Variants in DACH2 observed in about 807,000 individuals in gnomAD.
The protein encoded by DACH2 is dachshund family transcription factor 2.
In DACH2, 17 loss-of-function variants were observed where a neutral mutation model predicts 35.8. That is an observed-to-expected ratio of 0.48 (90% CI 0.33 to 0.71). The LOEUF is 0.71. Ranked by LOEUF, DACH2 falls within the 30% of genes least tolerant of loss-of-function variation. The probability of loss-of-function intolerance (pLI) is 0.02; values close to 1 mark genes in which losing one functional copy is unlikely to be tolerated. For synonymous variants in DACH2, 195 were observed against 177.3 expected (o/e 1.10, Z -0.79); for missense variants, 469 against 472.7 (o/e 0.99, Z 0.07).
chrX:86,365,191 C>T (rs1191380499), intron 1 of DACH2, among the ~76,000 whole-genome samples: 1 of 84,979 alleles, frequency 1.2e-5, no homozygotes, highest in African/African-American at 4.2e-5. Context: ...TATTTGGAGA[C>T]ATATTGGTGG....
chrX:86,312,096 G>A (rs1443221884), intron 1 of DACH2, among the ~76,000 whole-genome samples: 2 of 111,921 alleles, frequency 1.8e-5, no homozygotes, highest in Non-Finnish European at 3.8e-5. Context: ...GTAGAAGAAG[G>A]TAGTCATCGT....
At chrX:86,577,012 T>A (rs2039443761) in intron 3 of DACH2, among the ~76,000 whole-genome samples, 1 of 111,880 alleles carries the variant, frequency 8.9e-6, no homozygotes, top group South Asian at 3.7e-4. Flanking sequence ...CTACTTTTCT[T>A]TATTAATTAC....
intron 3 of DACH2, among the ~76,000 whole-genome samples, chrX:86,649,051 C>G (rs758029185): frequency 1.8e-5 from 2 of 110,294 alleles, no homozygotes; most frequent in Non-Finnish European, 3.8e-5. Flanking sequence ...ACCTAAATAA[C>G]TGACCTATAA....
At chrX:86,659,001 G>T (rs1330393191) in intron 4 of DACH2, among the ~76,000 whole-genome samples, 5 of 111,229 alleles carry the variant, frequency 4.5e-5, no homozygotes, top group Admixed American at 9.6e-5. Flanking sequence ...ATAGCTTATA[G>T]TGGAGAGAAT....
chrX:86,390,967 C>A (rs1427163270), intron 2 of DACH2, among the ~76,000 whole-genome samples: 1 of 109,960 alleles, frequency 9.1e-6, no homozygotes, highest in East Asian at 2.9e-4. Context: ...AAATAAAATT[C>A]TTTAATATTT....
At chrX:86,411,731 A>T (rs1049022387) in intron 2 of DACH2, among the ~76,000 whole-genome samples, 2 of 111,747 alleles carry the variant, frequency 1.8e-5, no homozygotes, top group Non-Finnish European at 3.8e-5. Flanking sequence ...ATAAGGAGGG[A>T]ATACTCACGA....
At chrX:86,257,814 G>A (rs1461594579) in intron 1 of DACH2, among the ~76,000 whole-genome samples, 1 of 111,835 alleles carries the variant, frequency 8.9e-6, no homozygotes, top group Non-Finnish European at 1.9e-5. Context: ...TTGTCATTAT[G>A]GTTTTATTTT....
At chrX:86,723,330 G>T (rs1196866299) in intron 6 of DACH2, among the ~76,000 whole-genome samples, 1 of 49,441 alleles carries the variant, frequency 2.0e-5, no homozygotes, top group African/African-American at 9.4e-5. Context: ...TATTCCTTCT[G>T]CTAATTTTTT....
chrX:86,699,223 C>A (rs1298961028), intron 5 of DACH2, among the ~76,000 whole-genome samples: 1 of 112,060 alleles, frequency 8.9e-6, no homozygotes, highest in African/African-American at 3.2e-5. Flanking sequence ...AAAGTATTTA[C>A]AGAACATTTT....
chrX:86,267,869 C>A (rs1284366695), intron 1 of DACH2, among the ~76,000 whole-genome samples: 1 of 112,022 alleles, frequency 8.9e-6, no homozygotes, highest in Non-Finnish European at 1.9e-5. Context: ...TCTCACTATA[C>A]ATTGGCTGCA....
At chrX:86,630,872 C>A (rs987789484) in intron 3 of DACH2, among the ~76,000 whole-genome samples, 2 of 111,126 alleles carry the variant, frequency 1.8e-5, no homozygotes, top group African/African-American at 6.6e-5. Flanking sequence ...AGAAAGGTAA[C>A]TGCAAATTCA....
intron 7 of DACH2, among the ~76,000 whole-genome samples, chrX:86,753,938 T>TAAA (rs202047286): frequency 1.1e-4 from 10 of 94,186 alleles, no homozygotes; most frequent in African/African-American, 2.7e-4. Flanking sequence ...GAGCTCACAA[T>TAAA]AAAAAAAAAA....
intron 3 of DACH2, among the ~76,000 whole-genome samples, chrX:86,640,028 T>C (rs939155567): frequency 4.5e-5 from 5 of 111,258 alleles, no homozygotes; most frequent in Non-Finnish European, 9.4e-5. Flanking sequence ...CATCCTTCAC[T>C]GATGACACCT....
intron 2 of DACH2, among the ~76,000 whole-genome samples, chrX:86,382,076 A>G (rs763688985): frequency 1.8e-5 from 2 of 110,953 alleles, no homozygotes; most frequent in Admixed American, 1.9e-4. Flanking sequence ...TTATGGTGCT[A>G]CACGTAACTA....
intron 2 of DACH2, among the ~76,000 whole-genome samples, chrX:86,483,939 CTT>C (rs1162885356): frequency 8.9e-6 from 1 of 111,752 alleles, no homozygotes; most frequent in Non-Finnish European, 1.9e-5. Flanking sequence ...TTTCACCACT[CTT>C]TCTCTATTTT....
At chrX:86,549,876 AATT>A (rs72104281) in intron 3 of DACH2, among the ~76,000 whole-genome samples, 20,703 of 110,725 alleles carry the variant, frequency 0.19, 1,531 homozygotes, top group East Asian at 0.27. Flanking sequence ...ATTAACTAAA[AATT>A]ATTATTAGTC....
intron 4 of DACH2, among the ~76,000 whole-genome samples, chrX:86,690,074 G>C (rs1378686960): frequency 8.9e-6 from 1 of 111,836 alleles, no homozygotes; most frequent in African/African-American, 3.2e-5. Context: ...GAGGAAGACT[G>C]TTTACTAAAT....
intron 4 of DACH2, among the ~76,000 whole-genome samples, chrX:86,684,177 T>A (rs1175213085): frequency 1.8e-5 from 2 of 111,901 alleles, no homozygotes; most frequent in Non-Finnish European, 3.8e-5. Flanking sequence ...AAGATCATAA[T>A]GCTTTCATAT....
intron 2 of DACH2, among the ~76,000 whole-genome samples, chrX:86,503,659 G>A (rs2038282794): frequency 8.9e-6 from 1 of 111,849 alleles, no homozygotes; most frequent in Admixed American, 9.5e-5. Context: ...GTACTCATAA[G>A]GGAATGTAAA....
Sources: gnomAD v4.1 joint callset for allele counts (sites outside exome capture counted in the v4.1 genomes callset) on GRCh38, gnomAD v4.1.1 for gene constraint, MANE v1.5 for transcripts, NCBI Gene and HGNC (gene_info 2026-07-23, HGNC 2026-07-21) for gene names.